PIK3C2A: variants seen among roughly 807,000 people sequenced by gnomAD.
PIK3C2A encodes the protein phosphatidylinositol 4-phosphate 3-kinase C2 domain-containing subunit alpha.
In PIK3C2A, 97 loss-of-function variants were observed where a neutral mutation model predicts 204.5. That is an observed-to-expected ratio of 0.47 (90% CI 0.40 to 0.56). The LOEUF (loss-of-function observed/expected upper bound fraction) is 0.56. PIK3C2A is among the 20% of genes least tolerant of loss of function. PIK3C2A has a pLI of 0.00. For missense variants in PIK3C2A, 1,735 were observed against 1,969.2 expected, an observed-to-expected ratio of 0.88 and a Z score of 2.25; for synonymous variants, 653 against 664.4, an observed-to-expected ratio of 0.98 and a Z score of 0.26.
Position 17,137,423 on chromosome 11 carries a change from C to CTTTTTTTTTTTTTTTTT in PIK3C2A, c.1705-799_1705-798insAAAAAAAAAAAAAAAAA, listed in dbSNP as rs33912263. On this transcript the variant is annotated intron_variant, in intron 8 of 32. Transcript: ENST00000691414. Reference sequence around the variant, plus strand: ...CCTATATTACTTCATATTACTTTGCCTTTTTTTTTGAGACGGACTCTCATT... The same window carrying CTTTTTTTTTTTTTTTTT: ...CCTATATTACTTCATATTACTTTGCCTTTTTTTTTTTTTTTTTTTTTTTTTTGAGACGGACTCTCATT... 1.6e-5 allele frequency among the ~76,000 whole-genome samples: 2 copies of CTTTTTTTTTTTTTTTTT among 125,048 alleles called. 1 individual carries two copies. The highest frequency in any genetic ancestry group is 3.2e-5 in the Non-Finnish European group (2 of 61,676). 82.0% of individuals were successfully genotyped at this position (125,048 alleles called of 152,430 possible).
chr11:17,086,888 AG>A lies in PIK3C2A; in HGVS notation c.*2849del, dbSNP rs1382645959. The A allele has an allele frequency of 6.6e-6, 1 of 152,234 alleles. No homozygotes were observed. The highest frequency in any genetic ancestry group is 1.5e-5 in the Non-Finnish European group (1 of 68,036). The allele number at this position is 152,234 out of a possible 1,614,324, so 9.4% of individuals were successfully genotyped here. A position where few individuals can be genotyped will look rare whatever the true frequency, so the allele number is the denominator to read the frequency against. On this transcript the variant is annotated 3_prime_UTR_variant, in exon 33 of 33. Transcript: ENST00000691414. ...ACAATATTTGAATCCTAGAAAGAAT[AG>A]GCAACTAATTTAAGGCAAGATATTG...
Position 17,102,654 on chromosome 11 carries a change from C to CATTATA in PIK3C2A, c.3851+2_3851+7dup, listed in dbSNP as rs751108306. 2.5e-6 allele frequency: 4 copies of CATTATA among 1,603,144 alleles called. No homozygotes were observed. Among genetic ancestry groups the CATTATA allele is most frequent in the Non-Finnish European group, 3.4e-6 (4 of 1,174,926 alleles). The stretch of plus-strand genomic sequence containing the variant: ...CTCATTTCTTTGGCAACAGCAATAA[C>CATTATA]ATTATACCTTTTGAAGCTGCCAAAC... On this transcript the variant is annotated splice_region_variant and intron_variant, in intron 24 of 32. Coordinates refer to ENST00000691414, the MANE Select transcript of PIK3C2A (RefSeq NM_002645.4).
chr11:17,194,562 A>G (rs1296601426), intron 1 of PIK3C2A: 7 of 152,266 alleles, frequency 4.6e-5, no homozygotes, highest in Admixed American at 4.6e-4. Context: ...AAAGCACTTC[A>G]CCTCTCTGAG....
intron 28 of PIK3C2A, among the ~76,000 whole-genome samples, chr11:17,092,591 G>C (rs990407744): frequency 1.3e-5 from 2 of 152,146 alleles, no homozygotes; most frequent in African/African-American, 4.8e-5. Context: ...AAAATCACTT[G>C]AACCTGGGAA....
At chr11:17,143,708 G>C (rs555171828) in intron 8 of PIK3C2A, among the ~76,000 whole-genome samples, 12 of 152,046 alleles carry the variant, frequency 7.9e-5, no homozygotes, top group African/African-American at 2.9e-4. Context: ...AGGCCAAGGC[G>C]AGTGGATCAC....
chr11:17,171,785 C>T (rs981062204), intron 1 of PIK3C2A, among the ~76,000 whole-genome samples: 3 of 152,060 alleles, frequency 2.0e-5, no homozygotes, highest in Admixed American at 1.3e-4. Flanking sequence ...TTGTTCTTGT[C>T]GTTTAGAGAT....
chr11:17,121,662 C>A (rs962341866), intron 15 of PIK3C2A, among the ~76,000 whole-genome samples: 19 of 151,996 alleles, frequency 1.3e-4, no homozygotes, highest in Admixed American at 1.0e-3. Context: ...TTAATTTTTG[C>A]CACTCTGATG....
intron 3 of PIK3C2A, among the ~76,000 whole-genome samples, chr11:17,153,948 T>C (rs1850500644): frequency 6.6e-6 from 1 of 152,250 alleles, no homozygotes; most frequent in Non-Finnish European, 1.5e-5. Flanking sequence ...TCCTAGAACA[T>C]GCCTTCAAAA....
At chr11:17,161,327 T>C (rs940501904) in intron 2 of PIK3C2A, among the ~76,000 whole-genome samples, 1 of 152,208 alleles carries the variant, frequency 6.6e-6, no homozygotes, top group Non-Finnish European at 1.5e-5. Context: ...ATATACTCAG[T>C]CAGACTATGA....
At chr11:17,162,352 C>CA (rs1304707485) in intron 2 of PIK3C2A, among the ~76,000 whole-genome samples, 15 of 148,424 alleles carry the variant, frequency 1.0e-4, no homozygotes, top group Admixed American at 9.5e-4. Context: ...AAAAAAAAAA[C>CA]AAAAACAAAA....
At chr11:17,115,759 A>C (rs1849164199) in intron 19 of PIK3C2A, 1 of 152,164 alleles carries the variant, frequency 6.6e-6, no homozygotes, top group Non-Finnish European at 1.5e-5. Flanking sequence ...TACCGAAGCA[A>C]GCACAGGGTC....
chr11:17,089,547 G>A lies in PIK3C2A; in HGVS notation c.*191C>T, dbSNP rs560549719. Reference sequence around the variant, plus strand: ...CAATGGCTTCCAAAAATTCAAAAAGGTTAGTTATGTGACTGTTGGTCCAAC... The same window carrying A: ...CAATGGCTTCCAAAAATTCAAAAAGATTAGTTATGTGACTGTTGGTCCAAC... On this transcript the variant is annotated 3_prime_UTR_variant, in exon 33 of 33. Transcript: ENST00000691414. 6.1e-6 allele frequency: 3 copies of A among 492,786 alleles called. No individual in the cohort carries two copies. The highest frequency in any genetic ancestry group is 7.2e-6 in the Non-Finnish European group (2 of 278,568). 30.5% of individuals were successfully genotyped at this position (492,786 alleles called of 1,614,324 possible).
At chr11:17,089,993 A>C in intron 32 of PIK3C2A, 73 bp from the exon 33 acceptor site, 2 of 1,139,302 alleles carry the variant, frequency 1.8e-6, no homozygotes, top group Non-Finnish European at 2.5e-6. Context: ...TTTCAAGTGA[A>C]AACGTGAGAA....
intron 3 of PIK3C2A, among the ~76,000 whole-genome samples, chr11:17,153,970 T>G (rs1850501399): frequency 6.6e-6 from 1 of 152,178 alleles, no homozygotes; most frequent in Non-Finnish European, 1.5e-5. Context: ...CACCAGTACT[T>G]CTTACTGCTC....
rs76328220 is a variant in PIK3C2A, at chr11:17,141,911, G to C, written c.1704+3757C>G. 3.3e-3 allele frequency among the ~76,000 whole-genome samples: 500 copies of C among 152,296 alleles called. 5 individuals carry two copies. Among genetic ancestry groups the C allele is most frequent in the Non-Finnish European group, 6.1e-3 (412 of 68,028 alleles). Reference sequence around the variant, plus strand: ...GTGAAATGTATAAGATCTTTTTCTTGAGACATCAAGGATGACTCCAGGGTT... The same window carrying C: ...GTGAAATGTATAAGATCTTTTTCTTCAGACATCAAGGATGACTCCAGGGTT... On this transcript the variant is annotated intron_variant, in intron 8 of 32. Coordinates refer to ENST00000691414, the MANE Select transcript of PIK3C2A (RefSeq NM_002645.4).
Position 17,140,186 on chromosome 11 carries a change from G to T in PIK3C2A, c.1705-3561C>A, listed in dbSNP as rs114544764. On this transcript the variant is annotated intron_variant, in intron 8 of 32. Coordinates refer to ENST00000691414, the MANE Select transcript of PIK3C2A (RefSeq NM_002645.4). ...TCCTAGCTACCTGAGAAGCTGAGGT[G>T]GGAGGATCTCTTGAGCCCAGGAGTT... 6.0e-3 allele frequency among the ~76,000 whole-genome samples: 907 copies of T among 152,214 alleles called. 11 individuals carry two copies. Among genetic ancestry groups the T allele is most frequent in the African/African-American group, 0.02 (828 of 41,534 alleles).
chr11:17,169,296 G>A lies in PIK3C2A; in HGVS notation c.446C>T (p.Pro149Leu). 6.2e-7 allele frequency: 1 copy of A among 1,614,154 alleles called. No homozygotes were observed. The highest frequency in any genetic ancestry group is 8.5e-7 in the Non-Finnish European group (1 of 1,180,016). ...AATAGAAGGTAAAGCATAAGTGGAAGGCCCAGGTAATCCAGGTGGCCACTG... is the reference window on the plus strand; with the variant it reads ...AATAGAAGGTAAAGCATAAGTGGAAAGCCCAGGTAATCCAGGTGGCCACTG... ...RGQWPPGLPGPSTYALPSIYP... is the reference protein window; with the variant it reads ...RGQWPPGLPGLSTYALPSIYP... Residue 149 changes from proline to leucine, a missense_variant, in exon 2 of 33, where the codon CCT becomes CTT. Physicochemically the swap from Pro to Leu is moderately conservative, Grantham distance 98 (BLOSUM62 -3). Transcript: ENST00000691414.
chr11:17,189,209 T>C (rs1355066417), intron 1 of PIK3C2A, among the ~76,000 whole-genome samples: 1 of 147,210 alleles, frequency 6.8e-6, no homozygotes, highest in Non-Finnish European at 1.5e-5. Flanking sequence ...TCATCTTACT[T>C]ATAAATTAGA....
At chr11:17,187,776 A>G (rs1851803923) in intron 1 of PIK3C2A, among the ~76,000 whole-genome samples, 1 of 152,068 alleles carries the variant, frequency 6.6e-6, no homozygotes, top group South Asian at 2.1e-4. Flanking sequence ...TGAGAGGCAC[A>G]GAGACAGAAG....
Sources: gnomAD v4.1 joint callset for allele counts (sites outside exome capture counted in the v4.1 genomes callset) on GRCh38, gnomAD v4.1.1 for gene constraint, MANE v1.5 for transcripts, NCBI Gene and HGNC (gene_info 2026-07-23, HGNC 2026-07-21) for gene names.